Variants in CSNK1G1 observed in about 807,000 individuals in gnomAD.
CSNK1G1 encodes casein kinase I isoform gamma-1.
In CSNK1G1, 22 loss-of-function variants were observed where a neutral mutation model predicts 59.6. The ratio of observed to expected loss-of-function variants is 0.37; its 90% confidence interval spans 0.26 to 0.53. The LOEUF (loss-of-function observed/expected upper bound fraction) is 0.53, where lower values mean the gene tolerates loss of function less well. CSNK1G1 is among the 20% of genes least tolerant of loss of function. The pLI, the probability that CSNK1G1 is intolerant of heterozygous loss-of-function variation, is 0.89. For missense variants in CSNK1G1, 384 were observed against 519.5 expected, an observed-to-expected ratio of 0.74 and a Z score of 2.54; for synonymous variants, 179 against 177.1, an observed-to-expected ratio of 1.01 and a Z score of -0.08.
At position 64,314,426 on chromosome 15, in the gene CSNK1G1, TATA is replaced by T. The variant is rs1596264244; in HGVS notation, c.-224-13706_-224-13704del. Among the ~76,000 whole-genome samples the T allele has an allele frequency of 2.6e-5, 4 of 152,112 alleles. No individual in the cohort carries two copies. In the East Asian group the frequency reaches 5.8e-4, roughly 22 times the overall value. ...AATGTTATAATTTATGAATATAATA[TATA>T]ATAATTAAATCAAGCTAGTTAACAT... On this transcript the variant is annotated intron_variant, in intron 1 of 11. Coordinates refer to ENST00000303052, the MANE Select transcript of CSNK1G1 (RefSeq NM_022048.5).
At chr15:64,182,227 CTGTT>C (rs916780960) in intron 10 of CSNK1G1, among the ~76,000 whole-genome samples, 41 of 151,888 alleles carry the variant, frequency 2.7e-4, no homozygotes, top group African/African-American at 4.8e-4. Context: ...CCACACCTGG[CTGTT>C]TGTTTGTTTT....
In CSNK1G1 at chr15:64,300,681, A is replaced by C. The variant is rs1895278812; in HGVS notation, c.-182T>G. The C allele has an allele frequency of 1.3e-5, 17 of 1,278,136 alleles. No homozygotes were observed. The South Asian group carries it at 5.3e-4, about 40-fold the overall frequency. The allele number at this position is 1,278,136 out of a possible 1,614,324, so 79.2% of individuals were successfully genotyped here. A position where few individuals can be genotyped will look rare whatever the true frequency, so the allele number is the denominator to read the frequency against. On this transcript the variant is annotated 5_prime_UTR_variant, in exon 2 of 12. It adds an upstream start codon to the 5' untranslated region. Transcript: ENST00000303052. ...AAACCATTTATTTGTTCCCGTAGGA[A>C]ATGTAGTCACTAGGTCTCAATCTTA...
At position 64,332,536 on chromosome 15, in the gene CSNK1G1, AG is replaced by A. The variant is rs1335800298; in HGVS notation, c.-225+23451del. On this transcript the variant is annotated intron_variant, in intron 1 of 11. Transcript: ENST00000303052. The stretch of plus-strand genomic sequence containing the variant: ...CTGGGGACTGTGATGGGGTGGGGGG[AG>A]GGGGGAGGGATAGCATTGGGAGATA... Among the ~76,000 whole-genome samples the A allele has an allele frequency of 1.0e-4, 7 of 69,630 alleles. No individual in the cohort carries two copies. In the South Asian group the frequency reaches 3.7e-3, roughly 36 times the overall value. 45.7% of individuals were successfully genotyped at this position (69,630 alleles called of 152,430 possible).
chr15:64,281,163 G>A (rs781204807), intron 2 of CSNK1G1, among the ~76,000 whole-genome samples: 3 of 152,188 alleles, frequency 2.0e-5, no homozygotes, highest in Admixed American at 1.3e-4. Flanking sequence ...ACAGGCATAC[G>A]CCACCATGCC....
intron 1 of CSNK1G1, among the ~76,000 whole-genome samples, chr15:64,348,812 G>T (rs1898116970): frequency 1.3e-5 from 2 of 152,102 alleles, no homozygotes; most frequent in African/African-American, 2.4e-5. Flanking sequence ...CATTCATTAT[G>T]GTCAACAGAG....
At chr15:64,207,359 C>T (rs768284922) in intron 7 of CSNK1G1, 150 bp downstream of exon 7, 2 of 566,330 alleles carry the variant, frequency 3.5e-6, no homozygotes, top group Non-Finnish European at 6.3e-6. Context: ...AATCCTCCCA[C>T]CTCAGCCTCC....
chr15:64,214,177 A>G lies in CSNK1G1; in HGVS notation c.445-53T>C. On this transcript the variant is annotated intron_variant, in intron 5 of 11. Coordinates refer to ENST00000303052, the MANE Select transcript of CSNK1G1 (RefSeq NM_022048.5). This position sits in a 1 kb window ranked among gnomAD's most constrained non-coding sequence, Gnocchi z 4.3. ...CTGTAAAGAAGTATATCAGGAAAATACATCAAAACAGTTTCTTTAGCCAGA... is the reference window on the plus strand; with the variant it reads ...CTGTAAAGAAGTATATCAGGAAAATGCATCAAAACAGTTTCTTTAGCCAGA... 3.9e-6 allele frequency: 5 copies of G among 1,285,468 alleles called. No individual in the cohort carries two copies. The highest frequency in any genetic ancestry group is 2.3e-5 in the East Asian group (1 of 43,322). The allele number at this position is 1,285,468 out of a possible 1,614,324, so 79.6% of individuals were successfully genotyped here.
At position 64,176,749 on chromosome 15, in the gene CSNK1G1, A is replaced by G. The variant is rs1446263388; in HGVS notation, c.1214+3599T>C. Among the ~76,000 whole-genome samples the G allele has an allele frequency of 6.6e-6, 1 of 152,208 alleles. No individual in the cohort carries two copies. Among genetic ancestry groups the G allele is most frequent in the Non-Finnish European group, 1.5e-5 (1 of 68,028 alleles). On this transcript the variant is annotated intron_variant, in intron 11 of 11. Transcript: ENST00000303052. The surrounding 1 kb of genome is among the most constrained non-coding windows in gnomAD (Gnocchi z 5.2). ...AAAAGAAAGTCCCTAGCCTTTGTGC[A>G]AGTCCAACATGCCTGATCAAAGCAG...
Position 64,167,254 on chromosome 15 carries a change from A to G in CSNK1G1, c.*4677T>C, listed in dbSNP as rs750045284. The G allele has an allele frequency of 6.6e-6, 1 of 152,252 alleles. No homozygotes were observed. The highest frequency in any genetic ancestry group is 6.5e-5 in the Admixed American group (1 of 15,288). 9.4% of individuals were successfully genotyped at this position (152,252 alleles called of 1,614,324 possible). A position where few individuals can be genotyped will look rare whatever the true frequency, so the allele number is the denominator to read the frequency against. ...CATTGCTCAAAAAGGATAAACCCAC[A>G]TAAGGGCCATGGTTGCCTCTTCTTT... On this transcript the variant is annotated 3_prime_UTR_variant, in exon 12 of 12. Coordinates refer to ENST00000303052, the MANE Select transcript of CSNK1G1 (RefSeq NM_022048.5).
intron 3 of CSNK1G1, among the ~76,000 whole-genome samples, chr15:64,254,584 TC>T (rs1166141451): frequency 1.3e-5 from 2 of 152,192 alleles, no homozygotes. Flanking sequence ...ACCCCTGACC[TC>T]AGGTGATCCG....
chr15:64,301,287 G>A (rs1168317197), intron 1 of CSNK1G1, among the ~76,000 whole-genome samples: 2 of 151,810 alleles, frequency 1.3e-5, no homozygotes, highest in African/African-American at 4.8e-5. Flanking sequence ...TAAACTTTTG[G>A]TGGTTTTTGC....
intron 2 of CSNK1G1, among the ~76,000 whole-genome samples, chr15:64,269,457 G>A (rs1893159350): frequency 6.7e-6 from 1 of 149,698 alleles, no homozygotes; most frequent in South Asian, 2.1e-4. Context: ...TCTGGCTTGT[G>A]TGCACAGAGG....
chr15:64,172,121 G>A, intron 11 of CSNK1G1, 136 bp from the exon 12 acceptor site: 1 of 743,094 alleles, frequency 1.3e-6, no homozygotes, highest in South Asian at 1.5e-5. Flanking sequence ...CATCTACAGT[G>A]CACGCACTGG....
intron 10 of CSNK1G1, among the ~76,000 whole-genome samples, chr15:64,201,766 T>G (rs2082112995): frequency 6.7e-6 from 1 of 149,962 alleles, no homozygotes; most frequent in South Asian, 2.1e-4. Flanking sequence ...ATACTATTCT[T>G]AACCTATATA....
chr15:64,260,373 G>A (rs532746376), intron 2 of CSNK1G1, among the ~76,000 whole-genome samples: 4 of 151,328 alleles, frequency 2.6e-5, no homozygotes, highest in South Asian at 4.2e-4. Context: ...ATATATGTGC[G>A]TGAAAAAGAA....
chr15:64,252,695 T>C (rs1396162984), intron 3 of CSNK1G1, among the ~76,000 whole-genome samples: 7 of 152,212 alleles, frequency 4.6e-5, no homozygotes, highest in Non-Finnish European at 1.0e-4. Flanking sequence ...TTAAAGATTG[T>C]AAATGCAATT....
At chr15:64,316,675 A>G (rs1464608249) in intron 1 of CSNK1G1, among the ~76,000 whole-genome samples, 1 of 152,184 alleles carries the variant, frequency 6.6e-6, no homozygotes, top group Non-Finnish European at 1.5e-5. Flanking sequence ...AAAGGCAGAA[A>G]TGAAATTCAC....
intron 3 of CSNK1G1, among the ~76,000 whole-genome samples, chr15:64,258,016 G>T (rs1892480775): frequency 6.6e-6 from 1 of 152,032 alleles, no homozygotes; most frequent in Admixed American, 6.6e-5. Context: ...AACAAATCTG[G>T]TAACTGTCAG....
intron 2 of CSNK1G1, among the ~76,000 whole-genome samples, chr15:64,281,091 G>A (rs747329504): frequency 6.6e-6 from 1 of 152,104 alleles, no homozygotes; most frequent in African/African-American, 2.4e-5. Context: ...GTGTTAGCTA[G>A]GATGGTCTCG....
Sources: gnomAD v4.1 joint callset for allele counts (sites outside exome capture counted in the v4.1 genomes callset) on GRCh38, gnomAD v4.1.1 for gene constraint, Gnocchi (gnomAD v3.1) non-coding constraint, MANE v1.5 for transcripts, NCBI Gene and HGNC (gene_info 2026-07-23, HGNC 2026-07-21) for gene names.